SCLY: variants seen among roughly 807,000 people sequenced by gnomAD.
SCLY encodes the protein putative selenocysteine lyase.
In SCLY, 38 loss-of-function variants were observed where a neutral mutation model predicts 50.1. That is an observed-to-expected ratio of 0.76 (90% CI 0.59 to 0.99). SCLY has a LOEUF of 0.99. Ranked by LOEUF, SCLY falls within the 50% of genes least tolerant of loss-of-function variation. SCLY has a pLI of 0.00. For synonymous variants in SCLY, 243 were observed against 249.4 expected (o/e 0.97, Z 0.24); for missense variants, 600 against 620.0 (o/e 0.97, Z 0.34).
chr2:238,097,214 A>G (rs1186178074), intron 11 of SCLY, among the ~76,000 whole-genome samples: 2 of 151,800 alleles, frequency 1.3e-5, no homozygotes, highest in East Asian at 3.9e-4. Context: ...GTCAGTGCTT[A>G]CTTAAACCTC....
chr2:238,095,707 G>A (rs886486510), intron 10 of SCLY: 3 of 152,112 alleles, frequency 2.0e-5, no homozygotes, highest in African/African-American at 7.2e-5. Context: ...GTGACAACCT[G>A]TGTTACTTTA....
chr2:238,082,622 G>T (rs1190592134), intron 6 of SCLY: 2 of 189,916 alleles, frequency 1.1e-5, no homozygotes, highest in Non-Finnish European at 2.2e-5. Context: ...TTCAGATGCG[G>T]CTCCTCAGCA....
intron 11 of SCLY, among the ~76,000 whole-genome samples, chr2:238,097,729 T>C (rs11680851): frequency 0.7 from 107,043 of 151,994 alleles, 37,976 homozygotes; most frequent in African/African-American, 0.77. Flanking sequence ...TCCAACAGCC[T>C]TGCTTCAGGA....
At chr2:238,088,547 G>A (rs996197532) in intron 7 of SCLY, among the ~76,000 whole-genome samples, 4 of 152,202 alleles carry the variant, frequency 2.6e-5, no homozygotes, top group African/African-American at 9.7e-5. Flanking sequence ...GGATGCCAAG[G>A]CGAGAGGATC....
chr2:238,086,691 G>T (rs1382852892), intron 7 of SCLY, among the ~76,000 whole-genome samples: 1 of 117,068 alleles, frequency 8.5e-6, no homozygotes, highest in Admixed American at 1.0e-4. Context: ...GGGCAACAGA[G>T]CAAGACCCTG....
chr2:238,099,412 G>C lies in SCLY; in HGVS notation c.*1057G>C. The C allele has an allele frequency of 2.2e-6, 1 of 450,310 alleles. No individual in the cohort carries two copies. Among genetic ancestry groups the C allele is most frequent in the South Asian group, 1.6e-5 (1 of 61,212 alleles). The allele number at this position is 450,310 out of a possible 1,614,324, so 27.9% of individuals were successfully genotyped here. On this transcript the variant is annotated 3_prime_UTR_variant, in exon 12 of 12. Transcript: ENST00000254663. ...TAACGAATAAAAGATTTCAGTGCCC[G>C]ACTTGGGGATCCTGTGGTTTCTCTA...
chr2:238,073,976 G>A, intron 4 of SCLY: 1 of 280,056 alleles, frequency 3.6e-6, no homozygotes, highest in Non-Finnish European at 7.0e-6. Flanking sequence ...TATCAGTAAG[G>A]CTTCTAGTCA....
chr2:238,091,093 C>A, intron 7 of SCLY, 125 bp from the exon 8 acceptor site: 1 of 892,930 alleles, frequency 1.1e-6, no homozygotes, highest in Non-Finnish European at 1.8e-6. Flanking sequence ...GAGATAGCCA[C>A]ATGGCGCGTG....
Position 238,093,519 on chromosome 2 carries a change from G to A in SCLY, c.922-342G>A, listed in dbSNP as rs2065391179. 1.3e-5 allele frequency: 4 copies of A among 313,660 alleles called. No individual in the cohort carries two copies. In the East Asian group the frequency reaches 2.0e-4, roughly 15 times the overall value. 19.4% of individuals were successfully genotyped at this position (313,660 alleles called of 1,614,324 possible). On this transcript the variant is annotated intron_variant, in intron 8 of 11. Transcript: ENST00000254663. The stretch of plus-strand genomic sequence containing the variant: ...TGTCACCACCCCACCTTGGGCCTGC[G>A]AGGTGCCTTCACAGCGCCAACTGGT...
intron 7 of SCLY, among the ~76,000 whole-genome samples, chr2:238,084,904 A>AAAAAAG (rs1559248495): frequency 7.4e-6 from 1 of 134,964 alleles, no homozygotes; most frequent in African/African-American, 2.8e-5. Context: ...AAAAAAAAAA[A>AAAAAAG]AAAAAAAGAA....
At chr2:238,078,442 A>G (rs1017023454) in intron 4 of SCLY, 1 of 152,044 alleles carries the variant, frequency 6.6e-6, no homozygotes, top group Non-Finnish European at 1.5e-5. Flanking sequence ...AATATTTTCT[A>G]ATTTAACATC....
In SCLY at chr2:238,093,915, G is replaced by T. The variant is rs77553822; in HGVS notation, c.976G>T (p.Val326Phe). Residue 326 changes from valine to phenylalanine, a missense_variant, in exon 9 of 12, where the codon GTC becomes TTC. Coordinates refer to ENST00000254663, the MANE Select transcript of SCLY (RefSeq NM_016510.7). ...GGCTTATGAGGCCCACATGAGGGAC[G>T]TCCGCGACTACCTGGAAGAGAGGCT... Reference protein sequence around the residue: ...CEAYEAHMRDVRDYLEERLEA... With the variant: ...CEAYEAHMRDFRDYLEERLEA... 1.2e-6 allele frequency: 2 copies of T among 1,613,816 alleles called. No individual in the cohort carries two copies. Among genetic ancestry groups the T allele is most frequent in the Non-Finnish European group, 1.7e-6 (2 of 1,179,996 alleles).
Position 238,098,825 on chromosome 2 carries a change from G to T in SCLY, c.*470G>T, listed in dbSNP as rs984305900. 1 of 317,802 alleles carries T rather than the reference G, an allele frequency of 3.1e-6. No individual in the cohort carries two copies. The highest frequency in any genetic ancestry group is 5.7e-6 in the Non-Finnish European group (1 of 176,512). 19.7% of individuals were successfully genotyped at this position (317,802 alleles called of 1,614,324 possible). Reference sequence around the variant, plus strand: ...TTGTCAGCCAAATGCTATCATGAACGTAGGAAACTTGATTTTTTTGTTTTG... The same window carrying T: ...TTGTCAGCCAAATGCTATCATGAACTTAGGAAACTTGATTTTTTTGTTTTG... On this transcript the variant is annotated 3_prime_UTR_variant, in exon 12 of 12. Transcript: ENST00000254663.
intron 10 of SCLY, among the ~76,000 whole-genome samples, chr2:238,095,211 A>G (rs1364112575): frequency 6.6e-6 from 1 of 152,138 alleles, no homozygotes; most frequent in African/African-American, 2.4e-5. Flanking sequence ...AACAAACAAA[A>G]AACAACAAAA....
In SCLY at chr2:238,099,194, T is replaced by TC; in HGVS notation, c.*842dup. ...CATTCCTGGGGTGGGAATCGGATCA[T>TC]CCCTGACTCAGCTTTTACCTTAATT... On this transcript the variant is annotated 3_prime_UTR_variant, in exon 12 of 12. Transcript: ENST00000254663. 2 of 469,570 alleles carry TC rather than the reference T, an allele frequency of 4.3e-6. No individual in the cohort carries two copies. Among genetic ancestry groups the TC allele is most frequent in the South Asian group, 3.1e-5 (2 of 64,048 alleles). The allele number at this position is 469,570 out of a possible 1,614,324, so 29.1% of individuals were successfully genotyped here.
chr2:238,062,404 T>C (rs891483396), intron 1 of SCLY, among the ~76,000 whole-genome samples: 4 of 92,644 alleles, frequency 4.3e-5, no homozygotes, highest in Non-Finnish European at 8.9e-5. Context: ...ACCTATTGAG[T>C]GATTTTTTTT....
chr2:238,069,538 G>A lies in SCLY; in HGVS notation c.484+61G>A. 1 of 1,470,400 alleles carries A rather than the reference G, an allele frequency of 6.8e-7. No homozygotes were observed. The highest frequency in any genetic ancestry group is 2.2e-4 in the Middle Eastern group (1 of 4,504). 91.1% of individuals were successfully genotyped at this position (1,470,400 alleles called of 1,614,324 possible). ...CTGAGCTCCAGCTGCGAGGCGGGAA[G>A]TGGCCTGCGAGCAGAGCCCGGGATC... is the stretch of plus-strand genomic sequence containing the variant. On this transcript the variant is annotated intron_variant, in intron 4 of 11. Coordinates refer to ENST00000254663, the MANE Select transcript of SCLY (RefSeq NM_016510.7). The surrounding 1 kb of genome is among the most constrained non-coding windows in gnomAD (Gnocchi z 5.0).
rs1303215620 is a variant in SCLY, at chr2:238,082,176, G to C, written c.744G>C (p.Leu248=). 11 of 1,611,194 alleles carry C rather than the reference G, an allele frequency of 6.8e-6. No homozygotes were observed. The highest frequency in any genetic ancestry group is 2.7e-5 in the African/African-American group (2 of 74,868). The part of the protein sequence containing the change: ...LGKQRVDVED[L]GVDFLTIVGH... Reference sequence around the variant, plus strand: ...AGCAGCGCGTGGATGTGGAGGACCTGGGCGTGGACTTCCTTACAATCGTGG... The same window carrying C: ...AGCAGCGCGTGGATGTGGAGGACCTCGGCGTGGACTTCCTTACAATCGTGG... The change falls in exon 6 of 12, where the codon CTG becomes CTC. Residue 248 remains leucine (L), a synonymous_variant. Transcript: ENST00000254663.
rs186637136 is a variant in SCLY at position 238,068,276 on chromosome 2, T to C, written c.303+111T>C. The stretch of plus-strand genomic sequence containing the variant: ...ATTTAAAGAAAGAGTAGGCCAAGTG[T>C]GGTGGCTCATGCCTGTAATCCCAGT... On this transcript the variant is annotated intron_variant, in intron 3 of 11. Transcript: ENST00000254663. The C allele has an allele frequency of 6.4e-4, 531 of 825,172 alleles. 1 individual carries two copies. The highest frequency in any genetic ancestry group is 9.1e-4 in the Non-Finnish European group (492 of 540,228). 51.1% of individuals were successfully genotyped at this position (825,172 alleles called of 1,614,324 possible). A position where few individuals can be genotyped will look rare whatever the true frequency, so the allele number is the denominator to read the frequency against.
Sources: allele counts gnomAD v4.1 joint callset (sites outside exome capture counted in the v4.1 genomes callset), GRCh38; gene constraint gnomAD v4.1.1; non-coding constraint Gnocchi (gnomAD v3.1); transcripts MANE v1.5; gene names NCBI Gene and HGNC (gene_info 2026-07-23, HGNC 2026-07-21).